The following FKBP3 variants were observed in gnomAD, a reference collection of about 807,000 sequenced individuals.
FKBP3 encodes peptidyl-prolyl cis-trans isomerase FKBP3.
Under a neutral mutation model 30.6 loss-of-function variants are expected in FKBP3, and 21 were observed. That is an observed-to-expected ratio of 0.69 (90% CI 0.49 to 0.99). FKBP3 has a LOEUF of 0.99. Ranked by LOEUF, FKBP3 falls within the 50% of genes least tolerant of loss-of-function variation. The probability of loss-of-function intolerance (pLI) is 0.00; values close to 1 mark genes in which losing one functional copy is unlikely to be tolerated. For missense variants in FKBP3, 283 were observed against 261.6 expected (o/e 1.08, Z -0.56); for synonymous variants, 82 against 91.3 (o/e 0.90, Z 0.58).
At chr14:45,123,809 G>A (rs1423524391) in intron 3 of FKBP3, among the ~76,000 whole-genome samples, 2 of 151,202 alleles carry the variant, frequency 1.3e-5, no homozygotes, top group Admixed American at 6.6e-5. Context: ...TAGTAGAGAC[G>A]GGGTTTCACC....
Position 45,134,356 on chromosome 14 carries a change from G to A in FKBP3, c.101C>T (p.Ser34Leu). 1 of 1,613,360 alleles carries A rather than the reference G, an allele frequency of 6.2e-7. No individual in the cohort carries two copies. ...CCCCTACGCCTCTGGTACCGAATCT[G>A]AACCGTGTTCCTGCAGAAACTTGAT... is the stretch of plus-strand genomic sequence containing the variant. Reference protein sequence around the residue: ...DIIKFLQEHGSDSFLAEHKLL... With the variant: ...DIIKFLQEHGLDSFLAEHKLL... Residue 34 changes from serine to leucine, a missense_variant, in exon 1 of 7, where the codon TCA (serine) becomes TTA (leucine). Transcript: ENST00000396062.
chr14:45,120,565 C>CT (rs1884962523), intron 5 of FKBP3, among the ~76,000 whole-genome samples: 1 of 152,124 alleles, frequency 6.6e-6, no homozygotes, highest in South Asian at 2.1e-4. Context: ...CTGACAAAGA[C>CT]TTACTTTATG....
chr14:45,134,448 C>G lies in FKBP3; in HGVS notation c.9G>C (p.Ala3=), dbSNP rs1292677097. The change falls in exon 1 of 7, where the codon GCG becomes GCC. Residue 3 remains alanine (A), a synonymous_variant. Coordinates refer to ENST00000396062, the MANE Select transcript of FKBP3 (RefSeq NM_002013.4). Reference sequence around the variant, plus strand: ...CGGTCCACGCCCGCTGTGGAACGGCCGCCGCCATCTTCCCCCGCTGCCTCC... The same window carrying G: ...CGGTCCACGCCCGCTGTGGAACGGCGGCCGCCATCTTCCCCCGCTGCCTCC... MA[A]AVPQRAWTVE... is the part of the protein sequence containing the mutation. The G allele has an allele frequency of 1.2e-6, 2 of 1,610,028 alleles. No homozygotes were observed. Among genetic ancestry groups the G allele is most frequent in the Admixed American group, 1.7e-5 (1 of 59,476 alleles).
At chr14:45,117,673 G>A (rs1884882016) in intron 6 of FKBP3, among the ~76,000 whole-genome samples, 1 of 152,112 alleles carries the variant, frequency 6.6e-6, no homozygotes, top group South Asian at 2.1e-4. Flanking sequence ...AAATTACCAT[G>A]AGCCATATTT....
Position 45,116,087 on chromosome 14 carries a change from C to A in FKBP3, c.*111G>T. 1.4e-6 allele frequency: 1 copy of A among 736,570 alleles called. No homozygotes were observed. The highest frequency in any genetic ancestry group is 2.2e-5 in the Admixed American group (1 of 44,850). 45.6% of individuals were successfully genotyped at this position (736,570 alleles called of 1,614,324 possible). On this transcript the variant is annotated 3_prime_UTR_variant, in exon 7 of 7. Coordinates refer to ENST00000396062, the MANE Select transcript of FKBP3 (RefSeq NM_002013.4). ...AATTTTATTAACTCCTTGAATTTTC[C>A]AGTTGACTCTTCCTTTACAATAGTA...
At chr14:45,116,747 C>T (rs8022499) in intron 6 of FKBP3, among the ~76,000 whole-genome samples, 24,222 of 151,366 alleles carry the variant, frequency 0.16, 3,607 homozygotes, top group African/African-American at 0.39. Flanking sequence ...TTCCAGCTAC[C>T]AGGGAGGGTG....
At chr14:45,131,675 CAG>C (rs1460568354) in intron 1 of FKBP3, among the ~76,000 whole-genome samples, 1 of 144,474 alleles carries the variant, frequency 6.9e-6, no homozygotes, top group Non-Finnish European at 1.5e-5. Context: ...TGACACTAGA[CAG>C]GGGACTAAGC....
chr14:45,121,932 T>G (rs1884994023), intron 3 of FKBP3, among the ~76,000 whole-genome samples: 1 of 152,202 alleles, frequency 6.6e-6, no homozygotes, highest in Non-Finnish European at 1.5e-5. Context: ...AAAAAATCAT[T>G]ACTATTTAAT....
At chr14:45,117,901 C>A (rs1478141135) in intron 6 of FKBP3, 127 bp downstream of exon 6, 1 of 683,396 alleles carries the variant, frequency 1.5e-6, no homozygotes, top group Non-Finnish European at 2.5e-6. Flanking sequence ...ATCTAAAGAT[C>A]AGGAAGACTA....
intron 6 of FKBP3, among the ~76,000 whole-genome samples, chr14:45,116,946 G>A (rs1884857411): frequency 6.6e-6 from 1 of 151,930 alleles, no homozygotes; most frequent in Non-Finnish European, 1.5e-5. Flanking sequence ...TCACATGGGA[G>A]AGGGAGCTGC....
At position 45,134,409 on chromosome 14, in the gene FKBP3, G is replaced by A. The variant is rs1324934933; in HGVS notation, c.48C>T (p.Arg16=). The A allele has an allele frequency of 3.1e-6, 5 of 1,613,594 alleles. No individual in the cohort carries two copies. The highest frequency in any genetic ancestry group is 1.7e-5 in the Admixed American group (1 of 60,010). Residue 16 remains arginine, a synonymous_variant, in exon 1 of 7, where the codon CGC becomes CGT. Coordinates refer to ENST00000396062, the MANE Select transcript of FKBP3 (RefSeq NM_002013.4). ...TGTCCTTCTTGGGCAGCTGCTCACT[G>A]CGCAGCTGCTCCACGGTCCACGCCC... ...PQRAWTVEQL[R]SEQLPKKDII... is the part of the protein sequence containing the mutation.
At chr14:45,134,252 G>A in intron 1 of FKBP3, 97 bp downstream of exon 1, 2 of 1,016,870 alleles carry the variant, frequency 2.0e-6, no homozygotes, top group Non-Finnish European at 2.9e-6. Flanking sequence ...GGAAGACGAG[G>A]GCGGGGGCAC....
intron 1 of FKBP3, chr14:45,133,337 C>T (rs759283428): frequency 6.9e-5 from 21 of 305,328 alleles, no homozygotes; most frequent in Non-Finnish European, 1.2e-4. Context: ...CGTGGTGGCA[C>T]GCGCCTGTAG....
chr14:45,126,852 A>G (rs1333108181), intron 3 of FKBP3, among the ~76,000 whole-genome samples: 1 of 151,632 alleles, frequency 6.6e-6, no homozygotes, highest in Non-Finnish European at 1.5e-5. Flanking sequence ...GTCTCCTTCT[A>G]TTGCCCAGGC....
At position 45,134,413 on chromosome 14, in the gene FKBP3, A is replaced by T; in HGVS notation, c.44T>A (p.Leu15Gln). The T allele has an allele frequency of 6.2e-7, 1 of 1,613,658 alleles. No homozygotes were observed. The highest frequency in any genetic ancestry group is 8.5e-7 in the Non-Finnish European group (1 of 1,179,886). ...VPQRAWTVEQ[L>Q]RSEQLPKKDI... Reference sequence around the variant, plus strand: ...CTTCTTGGGCAGCTGCTCACTGCGCAGCTGCTCCACGGTCCACGCCCGCTG... The same window carrying T: ...CTTCTTGGGCAGCTGCTCACTGCGCTGCTGCTCCACGGTCCACGCCCGCTG... The change falls in exon 1 of 7, where the codon CTG becomes CAG. Residue 15 changes from leucine (L) to glutamine (Q), a missense_variant. Transcript: ENST00000396062.
In FKBP3 at chr14:45,130,682, A is replaced by T; in HGVS notation, c.210+17T>A. 6 of 1,420,296 alleles carry T rather than the reference A, an allele frequency of 4.2e-6. No individual in the cohort carries two copies. The highest frequency in any genetic ancestry group is 5.8e-6 in the Non-Finnish European group (6 of 1,031,706). 88.0% of individuals were successfully genotyped at this position (1,420,296 alleles called of 1,614,324 possible). ...TTCAAAAGTGATGTTCTGCTAACAGAATCTAACAATACTCACCTTAGTTTC... is the reference window on the plus strand; with the variant it reads ...TTCAAAAGTGATGTTCTGCTAACAGTATCTAACAATACTCACCTTAGTTTC... On this transcript the variant is annotated intron_variant, in intron 2 of 6. Transcript: ENST00000396062.
chr14:45,124,773 G>C (rs549993735), intron 3 of FKBP3, among the ~76,000 whole-genome samples: 1 of 152,180 alleles, frequency 6.6e-6, no homozygotes, highest in East Asian at 1.9e-4. Flanking sequence ...ATTACTGTCT[G>C]TAAGGGAGCA....
chr14:45,117,984 T>G (rs777703257), intron 6 of FKBP3, 44 bp downstream of exon 6: 117 of 808,088 alleles, frequency 1.4e-4, no homozygotes, highest in Non-Finnish European at 2.0e-4. Context: ...GATCTAGACG[T>G]TTTTTTTTTT....
At chr14:45,129,304 G>A (rs1298728210) in intron 3 of FKBP3, among the ~76,000 whole-genome samples, 1 of 152,176 alleles carries the variant, frequency 6.6e-6, no homozygotes, top group Admixed American at 6.5e-5. Flanking sequence ...CAATTTGCAG[G>A]AATGAATTAA....
Sources: allele counts gnomAD v4.1 joint callset (sites outside exome capture counted in the v4.1 genomes callset), GRCh38; gene constraint gnomAD v4.1.1; transcripts MANE v1.5; gene names NCBI Gene and HGNC (gene_info 2026-07-23, HGNC 2026-07-21).